The following USP45 variants were observed in gnomAD, a reference collection of about 807,000 sequenced individuals.
USP45 encodes the protein ubiquitin carboxyl-terminal hydrolase 45.
In USP45, 89 loss-of-function variants were observed where a neutral mutation model predicts 95.8. The ratio of observed to expected loss-of-function variants is 0.93; its 90% CI spans 0.78 to 1.11. The LOEUF (loss-of-function observed/expected upper bound fraction) is 1.11. Among genes scored for constraint, USP45 ranks in the 50% least tolerant of loss-of-function variants. The pLI, the probability that USP45 is intolerant of heterozygous loss-of-function variation, is 0.00. For missense variants in USP45, 898 were observed against 942.5 expected (o/e 0.95, Z 0.62); for synonymous variants, 281 against 316.2 (o/e 0.89, Z 1.18).
chr6:99,443,218 C>T (rs1487845192), intron 15 of USP45, among the ~76,000 whole-genome samples: 1 of 151,988 alleles, frequency 6.6e-6, no homozygotes, highest in Admixed American at 6.6e-5. Context: ...CTCTTATTTC[C>T]ATCTGGTCTC....
At position 99,443,647 on chromosome 6, in the gene USP45, CCTT is replaced by C. The variant is rs564434965; in HGVS notation, c.1988_1990del (p.Glu663del). The C allele has an allele frequency of 5.2e-5, 83 of 1,591,666 alleles. No homozygotes were observed. In the African/African-American group the frequency reaches 9.0e-4, roughly 17 times the overall value. ...TTGCTTCCTGGCATTAGTATAAACT[CCTT>C]CTACTTTCTTTTCTACATAAAATAC... On this transcript the variant is annotated inframe_deletion, in exon 15 of 18. Coordinates refer to ENST00000500704, the MANE Select transcript of USP45 (RefSeq NM_001346022.3).
chr6:99,508,105 A>C (rs960197113), intron 3 of USP45, among the ~76,000 whole-genome samples: 4 of 152,224 alleles, frequency 2.6e-5, no homozygotes, highest in Non-Finnish European at 5.9e-5. Context: ...CCATTAAATT[A>C]ACTAATCCTG....
chr6:99,509,984 G>A, intron 2 of USP45, 137 bp downstream of exon 2: 1 of 665,258 alleles, frequency 1.5e-6, no homozygotes, highest in Admixed American at 2.5e-5. Flanking sequence ...CAAGAATAGT[G>A]TATTTTCCAT....
chr6:99,472,716 C>T (rs1583205629), intron 9 of USP45, among the ~76,000 whole-genome samples: 1 of 152,238 alleles, frequency 6.6e-6, no homozygotes, highest in East Asian at 1.9e-4. Flanking sequence ...ATGCATCTAC[C>T]CCTCAACAAG....
intron 15 of USP45, among the ~76,000 whole-genome samples, chr6:99,440,190 G>A (rs1781259613): frequency 6.6e-6 from 1 of 152,128 alleles, no homozygotes; most frequent in Non-Finnish European, 1.5e-5. Context: ...CAACTAAAGA[G>A]TAAACAGATT....
intron 1 of USP45, among the ~76,000 whole-genome samples, chr6:99,513,169 A>C (rs1043151128): frequency 2.6e-5 from 4 of 152,212 alleles, no homozygotes; most frequent in African/African-American, 7.2e-5. Flanking sequence ...TAAGGACTAC[A>C]TCACCTCTCT....
intron 8 of USP45, among the ~76,000 whole-genome samples, chr6:99,479,975 G>C (rs1029613302): frequency 4.6e-5 from 7 of 152,172 alleles, no homozygotes; most frequent in Admixed American, 4.6e-4. Context: ...ATCTTCATTT[G>C]CCAATGACAT....
intron 13 of USP45, among the ~76,000 whole-genome samples, chr6:99,454,761 G>A (rs1026406111): frequency 2.0e-5 from 3 of 152,186 alleles, no homozygotes; most frequent in Non-Finnish European, 4.4e-5. Context: ...AACACGGTTG[G>A]TGGGAATGTA....
intron 9 of USP45, among the ~76,000 whole-genome samples, chr6:99,469,786 GTTGT>G (rs1456859477): frequency 6.6e-6 from 1 of 151,336 alleles, no homozygotes; most frequent in Non-Finnish European, 1.5e-5. Context: ...CCTGTTTTTT[GTTGT>G]TTGTTTGTTC....
chr6:99,450,402 A>C (rs1783590009), intron 13 of USP45, among the ~76,000 whole-genome samples: 1 of 152,210 alleles, frequency 6.6e-6, no homozygotes, highest in Non-Finnish European at 1.5e-5. Context: ...AATACTATAA[A>C]CACCTCTACG....
intron 8 of USP45, among the ~76,000 whole-genome samples, chr6:99,480,704 G>A (rs951634620): frequency 3.3e-5 from 5 of 151,702 alleles, no homozygotes; most frequent in Admixed American, 1.3e-4. Context: ...TGAAAAGGAT[G>A]ACCAAAATTT....
chr6:99,482,148 A>G lies in USP45; in HGVS notation c.845+605T>C, dbSNP rs954222800. 2.0e-5 allele frequency: 3 copies of G among 152,318 alleles called. No homozygotes were observed. The South Asian group carries it at 6.2e-4, about 32-fold the overall frequency. 9.4% of individuals were successfully genotyped at this position (152,318 alleles called of 1,614,324 possible). A position where few individuals can be genotyped will look rare whatever the true frequency, so the allele number is the denominator to read the frequency against. On this transcript the variant is annotated intron_variant, in intron 8 of 17. Transcript: ENST00000500704. ...GGACTAGCTTGTGAGTTCCATGAGG[A>G]CAGGGTGCATTTGTGACGCAATATA...
At chr6:99,494,148 T>C (rs1261688664) in intron 5 of USP45, among the ~76,000 whole-genome samples, 1 of 151,482 alleles carries the variant, frequency 6.6e-6, no homozygotes, top group Non-Finnish European at 1.5e-5. Context: ...GGCTAGGTTA[T>C]TTTATTAAAA....
At chr6:99,464,331 C>T (rs1192055315) in intron 13 of USP45, among the ~76,000 whole-genome samples, 3 of 152,076 alleles carry the variant, frequency 2.0e-5, no homozygotes, top group Admixed American at 6.6e-5. Context: ...CAAACAAAAA[C>T]TCTCTTGTAG....
At position 99,435,926 on chromosome 6, in the gene USP45, C is replaced by T; in HGVS notation, c.2315-80G>A. 5 of 1,397,964 alleles carry T rather than the reference C, an allele frequency of 3.6e-6. No individual in the cohort carries two copies. The South Asian group carries it at 4.7e-5, about 13-fold the overall frequency. 86.6% of individuals were successfully genotyped at this position (1,397,964 alleles called of 1,614,324 possible). On this transcript the variant is annotated intron_variant, in intron 17 of 17. Coordinates refer to ENST00000500704, the MANE Select transcript of USP45 (RefSeq NM_001346022.3). Reference sequence around the variant, plus strand: ...TCTAAATTACAAACAATAACATATTCATTACAAACTCTATCTAATGCCAAA... The same window carrying T: ...TCTAAATTACAAACAATAACATATTTATTACAAACTCTATCTAATGCCAAA...
At chr6:99,499,933 C>T (rs368516449) in intron 5 of USP45, among the ~76,000 whole-genome samples, 5 of 152,310 alleles carry the variant, frequency 3.3e-5, no homozygotes, top group African/African-American at 9.6e-5. Flanking sequence ...TTTAATCTTA[C>T]ACCTTCTTTC....
chr6:99,502,125 T>C, intron 5 of USP45: 2 of 1,102,024 alleles, frequency 1.8e-6, no homozygotes, highest in Non-Finnish European at 1.1e-6. Flanking sequence ...AATAAAACTC[T>C]CCACACCAAA....
At chr6:99,488,944 A>G in intron 5 of USP45, 124 bp from the exon 6 acceptor site, 1 of 721,348 alleles carries the variant, frequency 1.4e-6, no homozygotes, top group Non-Finnish European at 2.0e-6. Flanking sequence ...AGTGTTCCTG[A>G]AGGGGAAGAA....
At chr6:99,448,981 G>A (rs961688907) in intron 13 of USP45, among the ~76,000 whole-genome samples, 2 of 152,096 alleles carry the variant, frequency 1.3e-5, no homozygotes, top group African/African-American at 4.8e-5. Context: ...CTGAGAGATT[G>A]TGTCACCACC....
Sources: gnomAD v4.1 joint callset for allele counts (sites outside exome capture counted in the v4.1 genomes callset) on GRCh38, gnomAD v4.1.1 for gene constraint, MANE v1.5 for transcripts, NCBI Gene and HGNC (gene_info 2026-07-23, HGNC 2026-07-21) for gene names.